Variants in LSAMP observed in about 807,000 individuals in gnomAD.
The protein encoded by LSAMP is limbic system associated membrane protein.
Under a neutral mutation model 38.6 loss-of-function variants are expected in LSAMP, and 7 were observed. The observed-to-expected ratio is 0.18, with a 90% CI of 0.10 to 0.34. The LOEUF is 0.34. Among genes scored for constraint, LSAMP ranks in the 10% least tolerant of loss-of-function variants. The pLI is 1.00. For missense variants in LSAMP, 313 were observed against 420.0 expected (o/e 0.75, Z 2.23); for synonymous variants, 154 against 166.8 (o/e 0.92, Z 0.59).
intron 3 of LSAMP, among the ~76,000 whole-genome samples, chr3:115,901,618 A>C (rs1259027614): frequency 2.6e-5 from 4 of 152,144 alleles, no homozygotes; most frequent in South Asian, 4.1e-4. Flanking sequence ...TCAGTAATCG[A>C]AGTCAGAATA....
chr3:116,139,209 C>T lies in LSAMP; in HGVS notation c.156-52653G>A, dbSNP rs141332404. Among the ~76,000 whole-genome samples, 16 of 151,874 alleles carry T rather than the reference C, an allele frequency of 1.1e-4. No individual in the cohort carries two copies. The East Asian group carries it at 3.1e-3, about 30-fold the overall frequency. ...GAAAGTTGTAGTATCCTGACTTTTA[C>T]CAAGTACATTCTCACAAAAGAGCAA... On this transcript the variant is annotated intron_variant, in intron 1 of 6. Coordinates refer to ENST00000490035, the MANE Select transcript of LSAMP (RefSeq NM_002338.5).
At chr3:115,977,892 C>A (rs116678366) in intron 3 of LSAMP, among the ~76,000 whole-genome samples, 413 of 152,240 alleles carry the variant, frequency 2.7e-3, no homozygotes, top group African/African-American at 9.3e-3. Flanking sequence ...CACTGAAGAA[C>A]TGAATAAATT....
At chr3:116,209,559 A>G (rs557935609) in intron 1 of LSAMP, among the ~76,000 whole-genome samples, 37 of 152,100 alleles carry the variant, frequency 2.4e-4, no homozygotes, top group Non-Finnish European at 1.0e-4. Context: ...TGTTTTGTGT[A>G]CACTGTGGTT....
intron 1 of LSAMP, among the ~76,000 whole-genome samples, chr3:116,388,099 A>C (rs2048647678): frequency 1.3e-5 from 2 of 152,136 alleles, no homozygotes; most frequent in South Asian, 4.1e-4. Context: ...GGTGGGGGCA[A>C]GTAGAGAGAG....
chr3:116,301,048 T>TTGAG (rs1347865998), intron 1 of LSAMP, among the ~76,000 whole-genome samples: 1 of 152,060 alleles, frequency 6.6e-6, no homozygotes, highest in Non-Finnish European at 1.5e-5. Flanking sequence ...AGCTAATATA[T>TTGAG]TGAGTATCTT....
chr3:116,301,447 A>G (rs756863403), intron 1 of LSAMP, among the ~76,000 whole-genome samples: 2 of 152,226 alleles, frequency 1.3e-5, no homozygotes, highest in South Asian at 4.1e-4. Context: ...CTTATAATCA[A>G]GGAAGATGAT....
intron 1 of LSAMP, among the ~76,000 whole-genome samples, chr3:116,245,790 TTGA>T (rs1167603205): frequency 2.6e-5 from 4 of 152,340 alleles, no homozygotes; most frequent in African/African-American, 9.6e-5. Context: ...CACACAAGTT[TTGA>T]TTCTAAGGAA....
rs1249425150 is a variant in LSAMP, at chr3:115,806,667, C to T, written c.*3650G>A. 2 of 152,122 alleles carry T rather than the reference C, an allele frequency of 1.3e-5. No individual in the cohort carries two copies. Among genetic ancestry groups the T allele is most frequent in the Non-Finnish European group, 1.5e-5 (1 of 68,034 alleles). 9.4% of individuals were successfully genotyped at this position (152,122 alleles called of 1,614,324 possible). ...GTCTGACTATGTAGTAAAAAAATGC[C>T]CATGGCAAGCGAGAAGTCTGTCTGA... On this transcript the variant is annotated 3_prime_UTR_variant, in exon 7 of 7. Coordinates refer to ENST00000490035, the MANE Select transcript of LSAMP (RefSeq NM_002338.5).
chr3:116,332,691 A>G (rs1274562154), intron 1 of LSAMP, among the ~76,000 whole-genome samples: 3 of 152,142 alleles, frequency 2.0e-5, no homozygotes, highest in African/African-American at 7.2e-5. Flanking sequence ...GTAAAAATAT[A>G]TGGATTAGTA....
At position 116,175,539 on chromosome 3, in the gene LSAMP, G is replaced by A. The variant is rs143334869; in HGVS notation, c.156-88983C>T. The stretch of plus-strand genomic sequence containing the variant: ...AACCTAAACATCCAGAGCAGTGCTG[G>A]GAAGCCAGGAAGTATAAATATCAAT... On this transcript the variant is annotated intron_variant, in intron 1 of 6. Transcript: ENST00000490035. Among the ~76,000 whole-genome samples the A allele has an allele frequency of 6.3e-3, 959 of 151,892 alleles. 12 individuals are homozygous for A. Among genetic ancestry groups the A allele is most frequent in the African/African-American group, 0.022 (908 of 41,418 alleles).
At chr3:115,993,751 A>G (rs1345311319) in intron 3 of LSAMP, among the ~76,000 whole-genome samples, 1 of 152,086 alleles carries the variant, frequency 6.6e-6, no homozygotes, top group Admixed American at 6.6e-5. Context: ...AAAATATACA[A>G]TGATCAAGTT....
intron 1 of LSAMP, among the ~76,000 whole-genome samples, chr3:116,403,781 C>T (rs537194567): frequency 6.6e-6 from 1 of 151,602 alleles, no homozygotes; most frequent in East Asian, 1.9e-4. Flanking sequence ...GACAGGGTCA[C>T]ATTCTGTTGC....
intron 1 of LSAMP, among the ~76,000 whole-genome samples, chr3:116,305,306 G>A (rs2047467479): frequency 6.6e-6 from 1 of 152,078 alleles, no homozygotes; most frequent in Non-Finnish European, 1.5e-5. Flanking sequence ...CAAGAGGACA[G>A]CCATAAACCT....
chr3:115,804,589 C>T lies in LSAMP; in HGVS notation c.*5728G>A, dbSNP rs1007634011. The T allele has an allele frequency of 1.3e-4, 20 of 151,072 alleles. No homozygotes were observed. The highest frequency in any genetic ancestry group is 2.5e-4 in the Non-Finnish European group (17 of 67,736). 9.4% of individuals were successfully genotyped at this position (151,072 alleles called of 1,614,324 possible). A position where few individuals can be genotyped will look rare whatever the true frequency, so the allele number is the denominator to read the frequency against. The stretch of plus-strand genomic sequence containing the variant: ...CTTAAAACTCCTTCCTGTTTTTTTT[C>T]TTTTTTTTTCTCTTAGGTAGATTAG... On this transcript the variant is annotated 3_prime_UTR_variant, in exon 7 of 7. Coordinates refer to ENST00000490035, the MANE Select transcript of LSAMP (RefSeq NM_002338.5).
At chr3:115,827,094 G>A (rs1934440926) in intron 6 of LSAMP, among the ~76,000 whole-genome samples, 1 of 151,970 alleles carries the variant, frequency 6.6e-6, no homozygotes, top group Non-Finnish European at 1.5e-5. Flanking sequence ...ACAGAGAAGT[G>A]CAAGTTACTG....
intron 1 of LSAMP, among the ~76,000 whole-genome samples, chr3:116,404,334 C>T (rs1287933205): frequency 1.3e-5 from 2 of 152,106 alleles, no homozygotes; most frequent in Non-Finnish European, 2.9e-5. Context: ...GAAAATATTA[C>T]TTTTCCCCTG....
intron 3 of LSAMP, among the ~76,000 whole-genome samples, chr3:115,855,868 G>T (rs1486305627): frequency 5.9e-5 from 9 of 152,130 alleles, no homozygotes; most frequent in Non-Finnish European, 1.0e-4. Context: ...CCTCCCTGTT[G>T]TCATGCTTCC....
At chr3:116,082,466 G>T (rs1458027246) in intron 2 of LSAMP, among the ~76,000 whole-genome samples, 2 of 152,082 alleles carry the variant, frequency 1.3e-5, no homozygotes, top group Non-Finnish European at 2.9e-5. Context: ...TTCTGGATGT[G>T]GTTCTCTGGA....
At chr3:115,950,361 G>C (rs1349279932) in intron 3 of LSAMP, among the ~76,000 whole-genome samples, 2 of 151,990 alleles carry the variant, frequency 1.3e-5, no homozygotes, top group East Asian at 3.9e-4. Flanking sequence ...AATCCTCCTA[G>C]ATCTGATAAA....
Sources: gnomAD v4.1 joint callset for allele counts (sites outside exome capture counted in the v4.1 genomes callset) on GRCh38, gnomAD v4.1.1 for gene constraint, MANE v1.5 for transcripts, NCBI Gene and HGNC (gene_info 2026-07-23, HGNC 2026-07-21) for gene names.